The following CAST variants were observed in gnomAD, a reference collection of about 807,000 sequenced individuals.
CAST encodes the protein calpastatin, also known as MIR583 host.
CAST carries 76 observed loss-of-function variants against 119.6 expected under a neutral mutation model. That is an observed-to-expected ratio of 0.64 (90% CI 0.53 to 0.77). The LOEUF is 0.77. Among genes scored for constraint, CAST ranks in the 30% least tolerant of loss-of-function variants. CAST has a pLI of 0.00. For synonymous variants in CAST, 319 were observed against 331.6 expected (o/e 0.96, Z 0.41); for missense variants, 953 against 946.5 (o/e 1.01, Z -0.09).
chr5:96,560,787 A>T (rs981863009), intron 1 of CAST, among the ~76,000 whole-genome samples: 1 of 152,178 alleles, frequency 6.6e-6, no homozygotes, highest in African/African-American at 2.4e-5. Context: ...TGTGGAAGTC[A>T]GTGTGGCGAT....
At chr5:96,544,204 T>G (rs1439436151) in intron 1 of CAST, among the ~76,000 whole-genome samples, 1 of 152,208 alleles carries the variant, frequency 6.6e-6, no homozygotes, top group African/African-American at 2.4e-5. Context: ...ATGGACTATC[T>G]CTCCATTTAT....
intron 3 of CAST, among the ~76,000 whole-genome samples, chr5:96,697,602 T>G (rs1753457202): frequency 6.6e-6 from 1 of 152,218 alleles, no homozygotes; most frequent in Admixed American, 6.5e-5. Flanking sequence ...CAACATAAAT[T>G]CAAAACTGAG....
intron 22 of CAST, among the ~76,000 whole-genome samples, chr5:96,755,629 C>T (rs1490741774): frequency 6.6e-6 from 1 of 152,192 alleles, no homozygotes; most frequent in East Asian, 1.9e-4. Context: ...AAAGAGTATT[C>T]AACTAAACTT....
the CAST span, chr5:96,415,963 C>G: frequency 6.4e-6 from 6 of 939,872 alleles, no homozygotes; most frequent in East Asian, 1.4e-4. Context: ...AGCTCCCCTC[C>G]CCCATTTACA....
At chr5:96,580,514 AG>A (rs1329423663) in intron 1 of CAST, among the ~76,000 whole-genome samples, 1 of 152,202 alleles carries the variant, frequency 6.6e-6, no homozygotes, top group African/African-American at 2.4e-5. Context: ...GTGTTTCTCA[AG>A]TTTTAATGTG....
the CAST span, among the ~76,000 whole-genome samples, chr5:95,998,295 G>A: frequency 6.6e-6 from 1 of 151,988 alleles, no homozygotes; most frequent in African/African-American, 2.4e-5. Flanking sequence ...GGATACAAGT[G>A]TAGATTTCTT....
the CAST span, among the ~76,000 whole-genome samples, chr5:96,015,081 T>C: frequency 6.6e-6 from 1 of 152,178 alleles, no homozygotes; most frequent in African/African-American, 2.4e-5. Context: ...CTAAGTAACT[T>C]CTCTCAGTTC....
chr5:96,333,720 G>A, the CAST span, among the ~76,000 whole-genome samples: 6 of 152,132 alleles, frequency 3.9e-5, no homozygotes, highest in Admixed American at 6.5e-5. Flanking sequence ...GGCGAGGGGT[G>A]TACTCAGCAC....
At chr5:96,267,943 T>A in the CAST span, among the ~76,000 whole-genome samples, 2 of 152,202 alleles carry the variant, frequency 1.3e-5, no homozygotes, top group Non-Finnish European at 2.9e-5. Context: ...AGTTAAAGTA[T>A]AGAGGTTTCT....
chr5:95,983,866 T>C, the CAST span, among the ~76,000 whole-genome samples: 2 of 152,214 alleles, frequency 1.3e-5, no homozygotes, highest in African/African-American at 4.8e-5. Context: ...TGATTTTTAA[T>C]TTACAGCATA....
the CAST span, among the ~76,000 whole-genome samples, chr5:96,104,400 T>G: frequency 0.28 from 42,615 of 151,642 alleles, 6,170 homozygotes; most frequent in Middle Eastern, 0.34. Flanking sequence ...CCATCTTGAA[T>G]TGACTTTTGT....
At chr5:95,961,430 C>A in the CAST span, 2 of 1,032,512 alleles carry the variant, frequency 1.9e-6, no homozygotes, top group Non-Finnish European at 1.3e-6. Context: ...AGCCACCCTG[C>A]CCGGCCCTGC....
At chr5:96,049,347 T>A in the CAST span, among the ~76,000 whole-genome samples, 2 of 152,204 alleles carry the variant, frequency 1.3e-5, no homozygotes, top group African/African-American at 2.4e-5. Context: ...ATATGGGCAA[T>A]AACACCTCCT....
At chr5:96,327,523 T>C in the CAST span, among the ~76,000 whole-genome samples, 1 of 152,246 alleles carries the variant, frequency 6.6e-6, no homozygotes, top group Non-Finnish European at 1.5e-5. Flanking sequence ...TTACAAATAG[T>C]ATTTTAGGAC....
chr5:96,642,534 A>T (rs1170062383), intron 1 of CAST, among the ~76,000 whole-genome samples: 4 of 145,732 alleles, frequency 2.7e-5, no homozygotes. Context: ...AATAAAGCAC[A>T]TATAGTTCCT....
intron 1 of CAST, among the ~76,000 whole-genome samples, chr5:96,559,280 C>G (rs186095143): frequency 3.7e-4 from 57 of 152,284 alleles, no homozygotes; most frequent in African/African-American, 1.3e-3. Flanking sequence ...TGGAAGCATT[C>G]CCTTTGAAAA....
the CAST span, among the ~76,000 whole-genome samples, chr5:96,465,600 A>G: frequency 6.6e-6 from 1 of 152,138 alleles, no homozygotes; most frequent in African/African-American, 2.4e-5. Context: ...ATAATTTGTA[A>G]GGATCAAGTC....
chr5:96,428,742 T>C, the CAST span, among the ~76,000 whole-genome samples: 1 of 152,320 alleles, frequency 6.6e-6, no homozygotes, highest in East Asian at 1.9e-4. Flanking sequence ...TAGACTTTTT[T>C]TTCAGTTATA....
At chr5:96,496,746 A>G in the CAST span, among the ~76,000 whole-genome samples, 1 of 152,190 alleles carries the variant, frequency 6.6e-6, no homozygotes, top group Non-Finnish European at 1.5e-5. Context: ...TTGCCCAAAT[A>G]ACTTTTTTAT....
Sources: gnomAD v4.1 joint callset for allele counts (sites outside exome capture counted in the v4.1 genomes callset) on GRCh38, gnomAD v4.1.1 for gene constraint, MANE v1.5 for transcripts, NCBI Gene and HGNC (gene_info 2026-07-23, HGNC 2026-07-21) for gene names.